Variants in IPP observed in about 807,000 individuals in gnomAD.
IPP encodes the protein actin-binding protein IPP.
IPP carries 41 observed loss-of-function variants against 64.1 expected under a neutral mutation model. The ratio of observed to expected loss-of-function variants is 0.64; its 90% CI spans 0.50 to 0.83. IPP has a LOEUF of 0.83. Ranked by LOEUF, IPP falls within the 40% of genes least tolerant of loss-of-function variation. The probability of loss-of-function intolerance (pLI) is 0.00; values close to 1 mark genes in which losing one functional copy is unlikely to be tolerated. For synonymous variants in IPP, 214 were observed against 235.2 expected (o/e 0.91, Z 0.83); for missense variants, 649 against 703.0 (o/e 0.92, Z 0.87).
chr1:45,739,409 CTTTTTT>C (rs531027721), intron 3 of IPP, among the ~76,000 whole-genome samples: 1 of 90,604 alleles, frequency 1.1e-5, no homozygotes, highest in Non-Finnish European at 2.1e-5. Context: ...AATTTTTTGC[CTTTTTT>C]TTTTTTTTTT....
At chr1:45,739,565 C>G (rs181114827) in intron 3 of IPP, among the ~76,000 whole-genome samples, 7 of 151,642 alleles carry the variant, frequency 4.6e-5, no homozygotes, top group Non-Finnish European at 7.4e-5. Flanking sequence ...TAAAGTAATT[C>G]TTAGAAATAA....
At chr1:45,724,334 A>ACCT (rs2148564969) in intron 5 of IPP, among the ~76,000 whole-genome samples, 1 of 150,772 alleles carries the variant, frequency 6.6e-6, no homozygotes, top group Admixed American at 6.6e-5. Flanking sequence ...GCTCGCTACA[A>ACCT]CCACCTCCCA....
chr1:45,695,190 A>G (rs2148541728), downstream of IPP, among the ~76,000 whole-genome samples: 1 of 152,246 alleles, frequency 6.6e-6, no homozygotes, highest in East Asian at 1.9e-4. Flanking sequence ...GTTTAAACGC[A>G]GGGTCTCACT....
chr1:45,725,000 C>A (rs1337723924), intron 5 of IPP, among the ~76,000 whole-genome samples: 1 of 145,038 alleles, frequency 6.9e-6, no homozygotes, highest in Non-Finnish European at 1.5e-5. Context: ...CCAGTCGCCC[C>A]GTCCAGGTGG....
chr1:45,708,804 G>A (rs1645550021), intron 8 of IPP, among the ~76,000 whole-genome samples: 2 of 152,004 alleles, frequency 1.3e-5, no homozygotes, highest in East Asian at 1.9e-4. Context: ...GGCCAAGGCA[G>A]GTAGATCACC....
chr1:45,703,119 ACT>A (rs924330024), intron 8 of IPP, among the ~76,000 whole-genome samples: 1 of 151,510 alleles, frequency 6.6e-6, no homozygotes, highest in African/African-American at 2.4e-5. Context: ...ACAAGGTCTC[ACT>A]CTGTGGCCCA....
chr1:45,717,152 T>C (rs757135228), intron 6 of IPP, 135 bp from the exon 7 acceptor site: 7 of 681,128 alleles, frequency 1.0e-5, no homozygotes, highest in Non-Finnish European at 1.6e-5. Flanking sequence ...TGTTCCACGA[T>C]CCCATGAAAA....
chr1:45,719,315 A>G lies in IPP; in HGVS notation c.1074T>C (p.Asp358=), dbSNP rs2148560788. 1 of 1,596,706 alleles carries G rather than the reference A, an allele frequency of 6.3e-7. No individual in the cohort carries two copies. Residue 358 remains aspartate (D), a synonymous_variant, in exon 6 of 9, where the codon GAT becomes GAC. Coordinates refer to ENST00000396478, the MANE Select transcript of IPP (RefSeq NM_005897.3). ...TAACTGGATCATAGCATTCAGTACA[A>G]TCAAAAATCATTGAATCCTTTTCAC... is the stretch of plus-strand genomic sequence containing the variant. ...IGGEKDSMIF[D]CTECYDPVTK... is the part of the protein sequence containing the mutation.
intron 7 of IPP, among the ~76,000 whole-genome samples, chr1:45,715,632 C>A (rs28474773): frequency 0.72 from 107,907 of 150,802 alleles, 38,727 homozygotes; most frequent in African/African-American, 0.76. Context: ...CAGAGCGAGA[C>A]TCCATCTCAA....
chr1:45,695,913 C>T (rs12063365), downstream of IPP, among the ~76,000 whole-genome samples: 3 of 152,204 alleles, frequency 2.0e-5, no homozygotes, highest in Non-Finnish European at 4.4e-5. Context: ...AGGTGACCCA[C>T]CCACCTTGGC....
intron 5 of IPP, among the ~76,000 whole-genome samples, chr1:45,725,112 GA>G (rs1645797910): frequency 1.5e-5 from 2 of 135,248 alleles, no homozygotes; most frequent in Non-Finnish European, 3.2e-5. Flanking sequence ...CGGGAGGGGG[GA>G]GGGGGGGTCA....
chr1:45,727,877 G>A (rs1645852873), intron 4 of IPP, 79 bp from the exon 5 acceptor site: 1 of 1,032,726 alleles, frequency 9.7e-7, no homozygotes, highest in Non-Finnish European at 1.3e-6. Flanking sequence ...TATATAACAA[G>A]AAATAAATGG....
At chr1:45,714,605 T>C in intron 7 of IPP, 139 bp from the exon 8 acceptor site, 1 of 622,612 alleles carries the variant, frequency 1.6e-6, no homozygotes, top group Non-Finnish European at 2.8e-6. Context: ...AGAGAGAAAA[T>C]CAACTTTGTC....
rs1645416392 is a variant in IPP, at chr1:45,699,154, G to GCAAGCAAAAACTTATCAT, written c.*794_*811dup. ...CTCAGGATCAAGACAAAAAATATGA[G>GCAAGCAAAAACTTATCAT]CAAGCAAAAACTTATCATCAAGCAA... On this transcript the variant is annotated 3_prime_UTR_variant, in exon 9 of 9. Coordinates refer to ENST00000396478, the MANE Select transcript of IPP (RefSeq NM_005897.3). 8 of 985,174 alleles carry GCAAGCAAAAACTTATCAT rather than the reference G, an allele frequency of 8.1e-6. No homozygotes were observed. Among genetic ancestry groups the GCAAGCAAAAACTTATCAT allele is most frequent in the Non-Finnish European group, 9.6e-6 (8 of 829,920 alleles). 61.0% of individuals were successfully genotyped at this position (985,174 alleles called of 1,614,324 possible).
At chr1:45,736,482 C>T (rs913757234) in intron 3 of IPP, among the ~76,000 whole-genome samples, 1 of 151,956 alleles carries the variant, frequency 6.6e-6, no homozygotes, top group African/African-American at 2.4e-5. Flanking sequence ...TAAGATTTTG[C>T]TCCCTCTGAA....
chr1:45,746,475 T>C lies in IPP; in HGVS notation c.-50-14A>G. The C allele has an allele frequency of 1.5e-6, 2 of 1,339,672 alleles. No homozygotes were observed. The highest frequency in any genetic ancestry group is 2.1e-6 in the Non-Finnish European group (2 of 966,248). The allele number at this position is 1,339,672 out of a possible 1,614,324, so 83.0% of individuals were successfully genotyped here. ...TCTGTTACTACCCTGAAAAACAAAA[T>C]ACAAAGAGATCAAGCAACAAAATTT... On this transcript the variant is annotated splice_polypyrimidine_tract_variant and intron_variant, in intron 1 of 8. Coordinates refer to ENST00000396478, the MANE Select transcript of IPP (RefSeq NM_005897.3).
At chr1:45,738,972 T>C (rs952629309) in intron 3 of IPP, among the ~76,000 whole-genome samples, 1 of 152,120 alleles carries the variant, frequency 6.6e-6, no homozygotes, top group Non-Finnish European at 1.5e-5. Flanking sequence ...GGAGCAATTG[T>C]TCAGTATTTG....
intron 5 of IPP, among the ~76,000 whole-genome samples, chr1:45,726,996 G>A (rs762261580): frequency 6.6e-6 from 1 of 151,966 alleles, no homozygotes; most frequent in African/African-American, 2.4e-5. Context: ...AAAGTGCTAG[G>A]AGGGATTACA....
rs1287728862 is a variant in IPP, at chr1:45,699,117, C to T, written c.*849G>A. ...GTCACTAAGAACCTCCTATTAATTC[C>T]TTACTTGCATTCTCAGGATCAAGAC... On this transcript the variant is annotated 3_prime_UTR_variant, in exon 9 of 9. Coordinates refer to ENST00000396478, the MANE Select transcript of IPP (RefSeq NM_005897.3). 1.0e-6 allele frequency: 1 copy of T among 985,192 alleles called. No individual in the cohort carries two copies. Among genetic ancestry groups the T allele is most frequent in the Non-Finnish European group, 1.2e-6 (1 of 829,910 alleles). The allele number at this position is 985,192 out of a possible 1,614,324, so 61.0% of individuals were successfully genotyped here. A position where few individuals can be genotyped will look rare whatever the true frequency, so the allele number is the denominator to read the frequency against.
Sources: allele counts gnomAD v4.1 joint callset (sites outside exome capture counted in the v4.1 genomes callset), GRCh38; gene constraint gnomAD v4.1.1; transcripts MANE v1.5; gene names NCBI Gene and HGNC (gene_info 2026-07-23, HGNC 2026-07-21).